LGSN: variants seen among roughly 807,000 people sequenced by gnomAD.
LGSN encodes the protein lengsin, lens protein with glutamine synthetase domain, also known as lengsin.
Under a neutral mutation model 19.5 loss-of-function variants are expected in LGSN, and 21 were observed. The observed-to-expected ratio is 1.07, with a 90% confidence interval of 0.76 to 1.55. The LOEUF is 1.55. Among genes scored for constraint, LGSN ranks in the 40% most tolerant of loss-of-function variants. The pLI is 0.00. For missense variants in LGSN, 673 were observed against 608.5 expected (o/e 1.11, Z -1.12); for synonymous variants, 257 against 215.6 (o/e 1.19, Z -1.68).
intron 1 of LGSN, among the ~76,000 whole-genome samples, chr6:63,299,113 A>C: frequency 6.6e-6 from 1 of 152,258 alleles, no homozygotes; most frequent in East Asian, 1.9e-4. Flanking sequence ...AATGGGCTCC[A>C]ACCTGAACTC....
chr6:63,363,131 G>C, the LGSN span, among the ~76,000 whole-genome samples: 1 of 152,194 alleles, frequency 6.6e-6, no homozygotes, highest in South Asian at 2.1e-4. Flanking sequence ...GCAGCTGAGT[G>C]TTCTCACTGT....
At chr6:63,451,954 C>A in the LGSN span, among the ~76,000 whole-genome samples, 1 of 151,006 alleles carries the variant, frequency 6.6e-6, no homozygotes, top group Non-Finnish European at 1.5e-5. Context: ...GAATTTAATT[C>A]TGTAATAGTT....
the LGSN span, among the ~76,000 whole-genome samples, chr6:63,386,861 G>T: frequency 6.6e-6 from 1 of 152,130 alleles, no homozygotes; most frequent in East Asian, 1.9e-4. Context: ...TACTTTGGGA[G>T]GCCAAGGCTG....
At chr6:63,283,665 C>CACAT (rs1767412132) in intron 3 of LGSN, among the ~76,000 whole-genome samples, 1 of 148,796 alleles carries the variant, frequency 6.7e-6, no homozygotes, top group African/African-American at 2.5e-5. Flanking sequence ...CACACACACA[C>CACAT]GATATTTAGG....
chr6:63,541,594 A>G, the LGSN span, among the ~76,000 whole-genome samples: 38 of 152,140 alleles, frequency 2.5e-4, no homozygotes, highest in African/African-American at 9.2e-4. Context: ...AAGGAATATC[A>G]GATTTTAGGA....
the LGSN span, among the ~76,000 whole-genome samples, chr6:63,436,467 C>A: frequency 6.6e-6 from 1 of 152,224 alleles, no homozygotes; most frequent in African/African-American, 2.4e-5. Context: ...TCAAAATCAA[C>A]TGTTTTCAAA....
the LGSN span, among the ~76,000 whole-genome samples, chr6:63,555,852 C>T: frequency 6.6e-6 from 1 of 151,986 alleles, no homozygotes; most frequent in East Asian, 1.9e-4. Flanking sequence ...TACCAGAATA[C>T]CCAGCTAATT....
chr6:63,560,099 T>C, the LGSN span, among the ~76,000 whole-genome samples: 1 of 152,140 alleles, frequency 6.6e-6, no homozygotes, highest in African/African-American at 2.4e-5. Context: ...TTTACAATAG[T>C]GCCTCTCAAT....
chr6:63,323,004 A>T (rs77367804), upstream of LGSN, among the ~76,000 whole-genome samples: 4,958 of 152,312 alleles, frequency 0.033, 266 homozygotes, highest in African/African-American at 0.11. Flanking sequence ...TGTAAAGTTG[A>T]TACAATTTAA....
chr6:63,407,706 G>T, the LGSN span, among the ~76,000 whole-genome samples: 1 of 152,122 alleles, frequency 6.6e-6, no homozygotes, highest in African/African-American at 2.4e-5. Flanking sequence ...AAGCAATAAA[G>T]GGTATTCAAT....
chr6:63,538,939 CTGCAG>C, the LGSN span, among the ~76,000 whole-genome samples: 1 of 152,180 alleles, frequency 6.6e-6, no homozygotes, highest in East Asian at 1.9e-4. Context: ...GTCACCCAGG[CTGCAG>C]TGCAGTGGTG....
At chr6:63,528,550 C>A in the LGSN span, among the ~76,000 whole-genome samples, 2 of 151,736 alleles carry the variant, frequency 1.3e-5, no homozygotes, top group Non-Finnish European at 2.9e-5. Flanking sequence ...CATGGTGAAA[C>A]CTCATCTCTA....
At chr6:63,449,564 A>C in the LGSN span, among the ~76,000 whole-genome samples, 22 of 152,178 alleles carry the variant, frequency 1.4e-4, no homozygotes, top group East Asian at 2.9e-3. Context: ...AAGAAAAGAA[A>C]GAAATAATCT....
the LGSN span, among the ~76,000 whole-genome samples, chr6:63,494,795 G>C: frequency 3.6e-3 from 545 of 152,222 alleles, 3 homozygotes; most frequent in Middle Eastern, 6.8e-3. Flanking sequence ...TATTTTCACA[G>C]TCCGTAGATT....
At chr6:63,398,995 C>A in the LGSN span, among the ~76,000 whole-genome samples, 1 of 152,068 alleles carries the variant, frequency 6.6e-6, no homozygotes, top group Non-Finnish European at 1.5e-5. Context: ...TTTGTAGAGA[C>A]AGGGTCTCCC....
the LGSN span, among the ~76,000 whole-genome samples, chr6:63,332,015 A>G: frequency 6.6e-6 from 1 of 152,176 alleles, no homozygotes. Flanking sequence ...GGGTTGGAAG[A>G]GTGACACCTT....
chr6:63,509,482 G>T, the LGSN span, among the ~76,000 whole-genome samples: 1 of 151,930 alleles, frequency 6.6e-6, no homozygotes, highest in Admixed American at 6.6e-5. Context: ...TTAGGTGTGC[G>T]CATGTTGTAT....
the LGSN span, among the ~76,000 whole-genome samples, chr6:63,516,242 C>T: frequency 1.1e-4 from 16 of 152,262 alleles, 1 homozygote; most frequent in South Asian, 3.3e-3. Context: ...TTTTTGAATC[C>T]ACCTATCCAA....
the LGSN span, among the ~76,000 whole-genome samples, chr6:63,553,973 A>T: frequency 1.3e-5 from 2 of 152,222 alleles, no homozygotes; most frequent in African/African-American, 2.4e-5. Context: ...TTATTTTAAG[A>T]GGCTTATAAC....
Sources: allele counts gnomAD v4.1 joint callset (sites outside exome capture counted in the v4.1 genomes callset), GRCh38; gene constraint gnomAD v4.1.1; transcripts MANE v1.5; gene names NCBI Gene and HGNC (gene_info 2026-07-23, HGNC 2026-07-21).